TBC1D5: variants seen among roughly 807,000 people sequenced by gnomAD.
TBC1D5 encodes the protein TBC1 domain family, member 5.
In TBC1D5, 75 loss-of-function variants were observed where a neutral mutation model predicts 100.3. The ratio of observed to expected loss-of-function variants is 0.75; its 90% CI spans 0.62 to 0.91. The LOEUF (loss-of-function observed/expected upper bound fraction) is 0.91. TBC1D5 is among the 40% of genes least tolerant of loss of function. TBC1D5 has a pLI of 0.00. For missense variants in TBC1D5, 910 were observed against 942.4 expected, an observed-to-expected ratio of 0.97 and a Z score of 0.45; for synonymous variants, 323 against 325.6, an observed-to-expected ratio of 0.99 and a Z score of 0.09.
chr3:17,563,228 A>T (rs974857259), intron 2 of TBC1D5, among the ~76,000 whole-genome samples: 4 of 152,236 alleles, frequency 2.6e-5, no homozygotes, highest in Non-Finnish European at 4.4e-5. Context: ...GACTCGTCAA[A>T]TTTGAGGATC....
chr3:17,448,259 T>G (rs2149668411), intron 3 of TBC1D5, among the ~76,000 whole-genome samples: 1 of 152,336 alleles, frequency 6.6e-6, no homozygotes, highest in African/African-American at 2.4e-5. Flanking sequence ...GGCAGTTACT[T>G]CCTCCACTGA....
At chr3:17,315,065 C>T (rs147877836) in intron 13 of TBC1D5, among the ~76,000 whole-genome samples, 6 of 152,248 alleles carry the variant, frequency 3.9e-5, no homozygotes, top group African/African-American at 1.4e-4. Context: ...TGATGCTGCT[C>T]GTGTGGGAAC....
At chr3:17,466,029 C>G (rs2095295359) in intron 3 of TBC1D5, among the ~76,000 whole-genome samples, 1 of 152,198 alleles carries the variant, frequency 6.6e-6, no homozygotes, top group Non-Finnish European at 1.5e-5. Context: ...CAACTGGTGG[C>G]ACTTTCCACA....
chr3:17,571,343 T>G (rs1358007971), intron 2 of TBC1D5, among the ~76,000 whole-genome samples: 1 of 151,988 alleles, frequency 6.6e-6, no homozygotes, highest in Non-Finnish European at 1.5e-5. Context: ...CATTTTATTC[T>G]CAATTCACAC....
intron 3 of TBC1D5, among the ~76,000 whole-genome samples, chr3:17,429,731 T>A (rs141402647): frequency 2.0e-3 from 302 of 152,016 alleles, no homozygotes; most frequent in African/African-American, 6.9e-3. Flanking sequence ...TGCTGAAATG[T>A]AATTTTAATG....
chr3:17,232,530 G>C (rs1435696009), intron 17 of TBC1D5, among the ~76,000 whole-genome samples: 1 of 152,028 alleles, frequency 6.6e-6, no homozygotes. Flanking sequence ...CTATTATGTA[G>C]ATCATTTAAC....
At chr3:17,516,289 G>GT (rs1576463116) in intron 2 of TBC1D5, among the ~76,000 whole-genome samples, 2 of 151,748 alleles carry the variant, frequency 1.3e-5, no homozygotes, top group Non-Finnish European at 2.9e-5. Flanking sequence ...ATTAGAATAA[G>GT]TTTTTTTTAA....
At chr3:17,206,708 T>C (rs1271860646) in intron 18 of TBC1D5, among the ~76,000 whole-genome samples, 2 of 152,200 alleles carry the variant, frequency 1.3e-5, no homozygotes, top group African/African-American at 4.8e-5. Context: ...CATCCTGTTT[T>C]ATGCAGAGAC....
chr3:17,218,665 G>C (rs1184601348), intron 17 of TBC1D5, among the ~76,000 whole-genome samples: 2 of 151,896 alleles, frequency 1.3e-5, no homozygotes, highest in Non-Finnish European at 2.9e-5. Flanking sequence ...TTGAAGGATA[G>C]TTTTATTGGA....
At chr3:17,272,332 T>A (rs1227994656) in intron 15 of TBC1D5, among the ~76,000 whole-genome samples, 2 of 152,204 alleles carry the variant, frequency 1.3e-5, no homozygotes, top group African/African-American at 4.8e-5. Context: ...TTGTTCTATA[T>A]AACTGGAAAC....
intron 1 of TBC1D5, among the ~76,000 whole-genome samples, chr3:17,634,705 T>A (rs987674033): frequency 6.6e-6 from 1 of 151,326 alleles, no homozygotes; most frequent in Non-Finnish European, 1.5e-5. Flanking sequence ...AATAATTTAA[T>A]TGTACTTTTA....
At chr3:17,436,069 CTGTT>C (rs1169617159) in intron 3 of TBC1D5, among the ~76,000 whole-genome samples, 2 of 152,270 alleles carry the variant, frequency 1.3e-5, no homozygotes, top group South Asian at 2.1e-4. Flanking sequence ...TCCATGATCT[CTGTT>C]TGAAGTATTT....
At chr3:17,174,357 C>T (rs991822701) in intron 19 of TBC1D5, among the ~76,000 whole-genome samples, 5 of 152,170 alleles carry the variant, frequency 3.3e-5, no homozygotes, top group Admixed American at 6.5e-5. Context: ...ATTCTTATCA[C>T]TTTGAAACCC....
chr3:17,291,466 T>C (rs759942256), intron 15 of TBC1D5, among the ~76,000 whole-genome samples: 1 of 152,238 alleles, frequency 6.6e-6, no homozygotes, highest in Non-Finnish European at 1.5e-5. Context: ...TAGTGTTTCA[T>C]TGTATCCAGT....
At chr3:17,219,032 C>T (rs1576051565) in intron 17 of TBC1D5, among the ~76,000 whole-genome samples, 1 of 151,412 alleles carries the variant, frequency 6.6e-6, no homozygotes, top group East Asian at 1.9e-4. Flanking sequence ...GAGGCTCTCA[C>T]TATCTGTATG....
At chr3:17,168,222 C>A (rs2125150734) in intron 19 of TBC1D5, among the ~76,000 whole-genome samples, 1 of 152,302 alleles carries the variant, frequency 6.6e-6, no homozygotes, top group Non-Finnish European at 1.5e-5. Context: ...TTACCTCTCT[C>A]TAAAGACCGA....
intron 19 of TBC1D5, among the ~76,000 whole-genome samples, chr3:17,178,759 CTTCCTG>C (rs1284527624): frequency 6.6e-6 from 1 of 152,110 alleles, no homozygotes; most frequent in Non-Finnish European, 1.5e-5. Context: ...CCCAGCTCAG[CTTCCTG>C]AGTAGATGGG....
chr3:17,399,429 A>G (rs571756852), intron 8 of TBC1D5, among the ~76,000 whole-genome samples: 1 of 152,138 alleles, frequency 6.6e-6, no homozygotes, highest in Non-Finnish European at 1.5e-5. Flanking sequence ...AAAACTACAC[A>G]TAATGATCCC....
chr3:17,286,800 G>T (rs1302955196), intron 15 of TBC1D5, among the ~76,000 whole-genome samples: 2 of 152,170 alleles, frequency 1.3e-5, no homozygotes, highest in African/African-American at 2.4e-5. Context: ...TGGAAAGGTG[G>T]TCTGAGGATG....
Sources: allele counts gnomAD v4.1 joint callset (sites outside exome capture counted in the v4.1 genomes callset), GRCh38; gene constraint gnomAD v4.1.1; transcripts MANE v1.5; gene names NCBI Gene and HGNC (gene_info 2026-07-23, HGNC 2026-07-21).